The following AMN1 variants were observed in gnomAD, a reference collection of about 807,000 sequenced individuals.
AMN1 encodes the protein antagonist of mitotic exit network 1 homolog.
AMN1 carries 20 observed loss-of-function variants against 33.0 expected under a neutral mutation model. The observed-to-expected ratio is 0.61, with a 90% CI of 0.43 to 0.88. The LOEUF (loss-of-function observed/expected upper bound fraction) is 0.88. AMN1 is among the 40% of genes least tolerant of loss of function. AMN1 has a pLI of 0.00. For synonymous variants in AMN1, 114 were observed against 111.9 expected (o/e 1.02, Z -0.12); for missense variants, 246 against 307.4 (o/e 0.80, Z 1.49).
At chr12:31,698,084 T>A in intron 3 of AMN1, 127 bp from the exon 4 acceptor site, 1 of 809,732 alleles carries the variant, frequency 1.2e-6, no homozygotes, top group Non-Finnish European at 1.9e-6. Flanking sequence ...AGTCCACCTG[T>A]GAGGAAATAC....
chr12:31,714,233 A>C (rs1274313013), intron 1 of AMN1, among the ~76,000 whole-genome samples: 1 of 152,194 alleles, frequency 6.6e-6, no homozygotes, highest in Admixed American at 6.5e-5. Context: ...AACATAAAGC[A>C]AGCAAACCAC....
chr12:31,706,354 A>G (rs1462488323), intron 2 of AMN1, among the ~76,000 whole-genome samples: 1 of 149,692 alleles, frequency 6.7e-6, no homozygotes, highest in Non-Finnish European at 1.5e-5. Context: ...TTCTTTACCT[A>G]CAACTGTCTT....
chr12:31,671,680 T>C lies in AMN1; in HGVS notation c.*624A>G, dbSNP rs1391699327. 1 of 152,096 alleles carries C rather than the reference T, an allele frequency of 6.6e-6. No individual in the cohort carries two copies. The highest frequency in any genetic ancestry group is 1.5e-5 in the Non-Finnish European group (1 of 68,022). 9.4% of individuals were successfully genotyped at this position (152,096 alleles called of 1,614,324 possible). On this transcript the variant is annotated 3_prime_UTR_variant, in exon 7 of 7. Coordinates refer to ENST00000281471, the MANE Select transcript of AMN1 (RefSeq NM_001113402.2). ...ATGCATAAAATGTAACTGGGAAGAG[T>C]AGCCATAAAAATCAATGAATGGATG...
At chr12:31,698,056 G>A (rs1047296008) in intron 3 of AMN1, 99 bp from the exon 4 acceptor site, 7 of 1,149,956 alleles carry the variant, frequency 6.1e-6, no homozygotes, top group Non-Finnish European at 8.8e-6. Flanking sequence ...CCAGTTCAGT[G>A]TTAGCCCTTT....
chr12:31,702,023 G>C lies in AMN1; in HGVS notation c.172-16C>G. The C allele has an allele frequency of 6.4e-7, 1 of 1,559,258 alleles. No individual in the cohort carries two copies. The highest frequency in any genetic ancestry group is 2.3e-5 in the East Asian group (1 of 43,164). On this transcript the variant is annotated splice_polypyrimidine_tract_variant and intron_variant, in intron 2 of 6. Coordinates refer to ENST00000281471, the MANE Select transcript of AMN1 (RefSeq NM_001113402.2). ...GATGTAAAATCTATAACAAATAAGT[G>C]ATTTTGAAAAAATTATTTCTTTCTA...
intron 2 of AMN1, among the ~76,000 whole-genome samples, chr12:31,705,757 C>T (rs1002684436): frequency 6.6e-6 from 1 of 152,080 alleles, no homozygotes; most frequent in Admixed American, 6.5e-5. Context: ...TCTTTATGGC[C>T]CAGAACATAT....
At chr12:31,708,118 C>T (rs772364428) in intron 2 of AMN1, among the ~76,000 whole-genome samples, 13 of 152,108 alleles carry the variant, frequency 8.5e-5, no homozygotes, top group Non-Finnish European at 1.5e-4. Flanking sequence ...CAAGGGAAGA[C>T]GACCATAAGG....
chr12:31,672,614 T>C, intron 6 of AMN1: 1 of 368,132 alleles, frequency 2.7e-6, no homozygotes, highest in Non-Finnish European at 5.0e-6. Flanking sequence ...AAAACAGGCA[T>C]TTGTTGTTTT....
chr12:31,704,846 G>A (rs1435546150), intron 2 of AMN1, among the ~76,000 whole-genome samples: 1 of 152,062 alleles, frequency 6.6e-6, no homozygotes, highest in African/African-American at 2.4e-5. Context: ...AAAATGGTAA[G>A]GATTGCCATC....
intron 1 of AMN1, among the ~76,000 whole-genome samples, chr12:31,722,829 G>A (rs1939924558): frequency 6.6e-6 from 1 of 152,164 alleles, no homozygotes; most frequent in Admixed American, 6.5e-5. Flanking sequence ...ACTATGACCT[G>A]TGGGACAAAT....
At chr12:31,699,395 C>CA (rs34860207) in intron 3 of AMN1, among the ~76,000 whole-genome samples, 3,387 of 36,808 alleles carry the variant, frequency 0.092, 881 homozygotes, top group Middle Eastern at 0.14. Flanking sequence ...GACTCTGTCT[C>CA]AAAAAAAAAA....
chr12:31,716,903 T>G (rs183725895), intron 1 of AMN1, among the ~76,000 whole-genome samples: 8 of 152,352 alleles, frequency 5.3e-5, no homozygotes, highest in South Asian at 2.1e-4. Flanking sequence ...TCATAAACTT[T>G]CCCTGTCCTA....
At chr12:31,698,081 C>T in intron 3 of AMN1, 124 bp from the exon 4 acceptor site, 1 of 838,082 alleles carries the variant, frequency 1.2e-6, no homozygotes, top group Non-Finnish European at 1.9e-6. Flanking sequence ...AGTAGTCCAC[C>T]TGTGAGGAAA....
At chr12:31,729,058 A>G (rs1565786440), upstream of AMN1, 5 of 1,471,916 alleles carry the variant, frequency 3.4e-6, no homozygotes, top group African/African-American at 1.4e-5. Context: ...TCCAGAACCC[A>G]GCCAGGGACC....
intron 6 of AMN1, among the ~76,000 whole-genome samples, chr12:31,682,472 T>G (rs1938060919): frequency 1.5e-5 from 2 of 135,558 alleles, no homozygotes; most frequent in Non-Finnish European, 1.5e-5. Context: ...AGAGAGAGGG[T>G]GTATGTGTCA....
intron 3 of AMN1, among the ~76,000 whole-genome samples, chr12:31,701,004 T>A (rs886609211): frequency 6.6e-6 from 1 of 151,096 alleles, no homozygotes; most frequent in African/African-American, 2.4e-5. Flanking sequence ...TTTGTTGTTG[T>A]TGTTGTTTAT....
chr12:31,694,583 C>A (rs1036343164), intron 5 of AMN1, among the ~76,000 whole-genome samples: 1 of 151,582 alleles, frequency 6.6e-6, no homozygotes, highest in African/African-American at 2.4e-5. Flanking sequence ...CCCATCTCTA[C>A]AAAAAATAAA....
At chr12:31,709,118 T>G (rs1939365584) in intron 2 of AMN1, 175 bp downstream of exon 2, 7 of 716,606 alleles carry the variant, frequency 9.8e-6, no homozygotes, top group African/African-American at 1.8e-5. Flanking sequence ...GAGGTTGCAG[T>G]GAGCTGAGAT....
chr12:31,676,833 CCAGATGG>C (rs904022772), intron 6 of AMN1, among the ~76,000 whole-genome samples: 10 of 151,844 alleles, frequency 6.6e-5, no homozygotes, highest in Admixed American at 5.2e-4. Flanking sequence ...ATTTTTGATG[CCAGATGG>C]CAGTGTTATA....
Sources: allele counts gnomAD v4.1 joint callset (sites outside exome capture counted in the v4.1 genomes callset), GRCh38; gene constraint gnomAD v4.1.1; transcripts MANE v1.5; gene names NCBI Gene and HGNC (gene_info 2026-07-23, HGNC 2026-07-21).